The following MGAT4C variants were observed in gnomAD, a reference collection of about 807,000 sequenced individuals.
MGAT4C encodes MGAT4 family member C.
MGAT4C carries 19 observed loss-of-function variants against 40.1 expected under a neutral mutation model. The ratio of observed to expected loss-of-function variants is 0.47; its 90% CI spans 0.33 to 0.70. The LOEUF is 0.70. Ranked by LOEUF, MGAT4C falls within the 30% of genes least tolerant of loss-of-function variation. The pLI, the probability that MGAT4C is intolerant of heterozygous loss-of-function variation, is 0.02. For missense variants in MGAT4C, 491 were observed against 563.2 expected (o/e 0.87, Z 1.30); for synonymous variants, 181 against 187.1 (o/e 0.97, Z 0.27).
intron 1 of MGAT4C, among the ~76,000 whole-genome samples, chr12:86,152,792 A>G (rs1884457192): frequency 6.6e-6 from 1 of 152,236 alleles, no homozygotes; most frequent in African/African-American, 2.4e-5. Flanking sequence ...GTTAACACAT[A>G]TGCATTTTTG....
At chr12:86,196,528 C>A (rs112044313) in intron 1 of MGAT4C, among the ~76,000 whole-genome samples, 2,726 of 152,298 alleles carry the variant, frequency 0.018, 109 homozygotes, top group Admixed American at 0.1. Context: ...GGAGTAGCAA[C>A]TGTGCTGCTC....
Position 86,187,882 on chromosome 12 carries a change from T to C in MGAT4C, c.-57+68357A>G, listed in dbSNP as rs988043412. On this transcript the variant is annotated intron_variant, in intron 1 of 4. Transcript: ENST00000611864. ...TTAGTTATCTCAAGATTTTCAAAGA[T>C]ATTCTTGAATTAGGAGGAAATTCTC... Among the ~76,000 whole-genome samples, 8 of 152,020 alleles carry C rather than the reference T, an allele frequency of 5.3e-5. No homozygotes were observed. In the South Asian group the frequency reaches 1.7e-3, roughly 31 times the overall value.
At chr12:86,733,059 T>C (rs1348644856) in intron 1 of MGAT4C, among the ~76,000 whole-genome samples, 1 of 152,048 alleles carries the variant, frequency 6.6e-6, no homozygotes, top group Non-Finnish European at 1.5e-5. Flanking sequence ...GAATGAAAAA[T>C]TAAATCAGTC....
chr12:86,051,872 T>C (rs1331845962), intron 1 of MGAT4C, among the ~76,000 whole-genome samples: 1 of 151,592 alleles, frequency 6.6e-6, no homozygotes, highest in Non-Finnish European at 1.5e-5. Context: ...ATGGTTAGTT[T>C]TTTGTACTAT....
intron 1 of MGAT4C, among the ~76,000 whole-genome samples, chr12:86,126,613 C>T (rs896968771): frequency 6.6e-6 from 1 of 152,086 alleles, no homozygotes; most frequent in Admixed American, 6.5e-5. Context: ...AAATGTATAT[C>T]AAAAATCACT....
At chr12:86,783,901 T>A (rs1366033869) in intron 1 of MGAT4C, among the ~76,000 whole-genome samples, 1 of 152,158 alleles carries the variant, frequency 6.6e-6, no homozygotes, top group Non-Finnish European at 1.5e-5. Context: ...GGTGGAAGAC[T>A]TTATCAATCT....
intron 4 of MGAT4C, among the ~76,000 whole-genome samples, chr12:86,332,196 T>C (rs956916830): frequency 6.6e-6 from 1 of 152,166 alleles, no homozygotes; most frequent in Non-Finnish European, 1.5e-5. Context: ...TTACCCACAG[T>C]AAAGACTTTT....
intron 1 of MGAT4C, among the ~76,000 whole-genome samples, chr12:86,164,560 T>C (rs1355601731): frequency 6.6e-6 from 1 of 152,190 alleles, no homozygotes; most frequent in Non-Finnish European, 1.5e-5. Flanking sequence ...TTCTAACTGG[T>C]AATTTTTCTA....
chr12:86,325,493 C>G (rs1021612642), intron 4 of MGAT4C, among the ~76,000 whole-genome samples: 1 of 152,190 alleles, frequency 6.6e-6, no homozygotes. Flanking sequence ...CCTGACTTGA[C>G]TACTTTGTTC....
chr12:86,056,030 C>T (rs1476049080), intron 1 of MGAT4C, among the ~76,000 whole-genome samples: 1 of 152,040 alleles, frequency 6.6e-6, no homozygotes, highest in Admixed American at 6.6e-5. Context: ...TCTTCAATGG[C>T]TTGACTATAC....
intron 4 of MGAT4C, among the ~76,000 whole-genome samples, chr12:86,309,252 G>A (rs776137021): frequency 1.2e-4 from 17 of 141,146 alleles, no homozygotes; most frequent in Non-Finnish European, 2.2e-4. Context: ...AAACCTGGAC[G>A]CAAGCAAGTG....
At position 86,500,150 on chromosome 12, in the gene MGAT4C, A is replaced by T. The variant is rs958544670; in HGVS notation, c.-228-64885T>A. 1.1e-4 allele frequency among the ~76,000 whole-genome samples: 16 copies of T among 151,938 alleles called. 1 individual carries two copies. Among genetic ancestry groups the T allele is most frequent in the African/African-American group, 3.9e-4 (16 of 41,416 alleles). On this transcript the variant is annotated intron_variant, in intron 2 of 7. Transcript: ENST00000548651. ...TGTATGTATGTGTATATATACATGT[A>T]TGTGTGTATGTATGGTGAATATCTA...
At chr12:85,991,601 G>A (rs914927724) in intron 2 of MGAT4C, among the ~76,000 whole-genome samples, 48 of 152,268 alleles carry the variant, frequency 3.2e-4, no homozygotes, top group African/African-American at 1.0e-3. Flanking sequence ...ACTCGTGGGC[G>A]CTTAAAGCCT....
At chr12:86,025,751 T>C (rs1045407965) in intron 2 of MGAT4C, among the ~76,000 whole-genome samples, 1 of 151,640 alleles carries the variant, frequency 6.6e-6, no homozygotes, top group Non-Finnish European at 1.5e-5. Flanking sequence ...TTATTTATTA[T>C]GGAAAAAATG....
At chr12:86,193,184 G>A (rs1308700095) in intron 1 of MGAT4C, among the ~76,000 whole-genome samples, 2 of 150,502 alleles carry the variant, frequency 1.3e-5, no homozygotes, top group African/African-American at 4.9e-5. Context: ...TATTTCTTTT[G>A]TTCCTTTGAT....
intron 1 of MGAT4C, among the ~76,000 whole-genome samples, chr12:86,835,980 T>C (rs1953029753): frequency 6.6e-6 from 1 of 151,976 alleles, no homozygotes; most frequent in Non-Finnish European, 1.5e-5. Context: ...ATTGAGCATA[T>C]GCGGTGCACA....
intron 1 of MGAT4C, among the ~76,000 whole-genome samples, chr12:86,799,216 A>G (rs146659586): frequency 6.6e-6 from 1 of 151,670 alleles, no homozygotes; most frequent in African/African-American, 2.4e-5. Context: ...TACTCTTTAC[A>G]TATTTTTCCA....
chr12:86,547,912 A>G (rs1027859650), intron 2 of MGAT4C, among the ~76,000 whole-genome samples: 2 of 152,134 alleles, frequency 1.3e-5, no homozygotes, highest in Non-Finnish European at 2.9e-5. Flanking sequence ...TTCCTATTCA[A>G]CACTTTGGTT....
intron 1 of MGAT4C, among the ~76,000 whole-genome samples, chr12:86,836,834 C>G (rs899779251): frequency 3.3e-5 from 5 of 152,104 alleles, no homozygotes; most frequent in African/African-American, 1.2e-4. Context: ...CCATTGGTAT[C>G]ATCATTGGTA....
Sources: gnomAD v4.1 joint callset for allele counts (sites outside exome capture counted in the v4.1 genomes callset) on GRCh38, gnomAD v4.1.1 for gene constraint, MANE v1.5 for transcripts, NCBI Gene and HGNC (gene_info 2026-07-23, HGNC 2026-07-21) for gene names.